The following CNBD1 variants were observed in gnomAD, a reference collection of about 807,000 sequenced individuals.
CNBD1 encodes cyclic nucleotide binding domain containing 1, also known as cyclic nucleotide-binding domain-containing protein 1.
Under a neutral mutation model 54.4 loss-of-function variants are expected in CNBD1, and 71 were observed. That is an observed-to-expected ratio of 1.30 (90% CI 1.08 to 1.59). The LOEUF (loss-of-function observed/expected upper bound fraction) is 1.59. Ranked by LOEUF, CNBD1 falls within the 40% of genes most tolerant of loss-of-function variation. The pLI is 0.00. For missense variants in CNBD1, 659 were observed against 518.0 expected (o/e 1.27, Z -2.64); for synonymous variants, 182 against 170.7 (o/e 1.07, Z -0.51).
At chr8:86,883,939 C>T (rs950443610) in intron 1 of CNBD1, among the ~76,000 whole-genome samples, 1 of 151,998 alleles carries the variant, frequency 6.6e-6, no homozygotes, top group African/African-American at 2.4e-5. Context: ...ATCACGAGGT[C>T]AGGAGATCGA....
chr8:87,072,767 A>T (rs1429112685), intron 4 of CNBD1, among the ~76,000 whole-genome samples: 1 of 151,154 alleles, frequency 6.6e-6, no homozygotes, highest in Non-Finnish European at 1.5e-5. Context: ...ACCTTGGGGA[A>T]CCTGATGATT....
intron 4 of CNBD1, among the ~76,000 whole-genome samples, chr8:87,056,350 G>A (rs1810416292): frequency 6.6e-6 from 1 of 152,140 alleles, no homozygotes; most frequent in African/African-American, 2.4e-5. Flanking sequence ...TTCCATGGGG[G>A]CAACACACAA....
chr8:87,393,427 G>A (rs1352371003), intron 2 of CNBD1, among the ~76,000 whole-genome samples: 1 of 151,856 alleles, frequency 6.6e-6, no homozygotes, highest in Non-Finnish European at 1.5e-5. Context: ...GTACACATAT[G>A]CACTAAATTA....
intron 4 of CNBD1, among the ~76,000 whole-genome samples, chr8:87,200,164 G>T (rs142775923): frequency 6.6e-6 from 1 of 152,088 alleles, no homozygotes; most frequent in Non-Finnish European, 1.5e-5. Context: ...AGATGAATAG[G>T]AGAGAAAAAA....
At chr8:86,896,090 T>C (rs1455637827) in intron 2 of CNBD1, among the ~76,000 whole-genome samples, 1 of 152,158 alleles carries the variant, frequency 6.6e-6, no homozygotes, top group East Asian at 1.9e-4. Flanking sequence ...TGGCATAAGA[T>C]AGGGGTACAA....
At chr8:86,903,790 G>A (rs984735528) in intron 2 of CNBD1, among the ~76,000 whole-genome samples, 1 of 151,718 alleles carries the variant, frequency 6.6e-6, no homozygotes, top group African/African-American at 2.4e-5. Flanking sequence ...ACAATGATTC[G>A]AATATAACAA....
intron 4 of CNBD1, among the ~76,000 whole-genome samples, chr8:87,078,889 C>T (rs780164673): frequency 6.6e-6 from 1 of 152,056 alleles, no homozygotes; most frequent in Non-Finnish European, 1.5e-5. Flanking sequence ...TTTTTAATAT[C>T]AACTTTATGC....
intron 10 of CNBD1, among the ~76,000 whole-genome samples, chr8:87,368,535 G>T (rs1192520834): frequency 6.6e-6 from 1 of 151,818 alleles, no homozygotes; most frequent in Non-Finnish European, 1.5e-5. Context: ...CTACTTGGTG[G>T]ACTAAGGCAG....
chr8:87,204,750 T>C (rs1405569844), intron 4 of CNBD1, among the ~76,000 whole-genome samples: 3 of 152,198 alleles, frequency 2.0e-5, no homozygotes, highest in African/African-American at 4.8e-5. Context: ...CCTCTGTCTT[T>C]ACAGCCTGTG....
chr8:87,401,133 A>C (rs1807556681), intron 2 of CNBD1, among the ~76,000 whole-genome samples: 1 of 152,032 alleles, frequency 6.6e-6, no homozygotes, highest in Non-Finnish European at 1.5e-5. Context: ...GCTACATATA[A>C]ATATAATCTT....
At chr8:87,385,080 C>T (rs911904511), downstream of CNBD1, among the ~76,000 whole-genome samples, 8 of 152,236 alleles carry the variant, frequency 5.3e-5, no homozygotes, top group South Asian at 6.2e-4. Flanking sequence ...GGGACAAGGA[C>T]TGAAGTGAGA....
At chr8:87,296,124 A>C (rs1270297379) in intron 8 of CNBD1, among the ~76,000 whole-genome samples, 1 of 152,202 alleles carries the variant, frequency 6.6e-6, no homozygotes, top group African/African-American at 2.4e-5. Flanking sequence ...GTACAATTAT[A>C]ATACAATTTG....
intron 2 of CNBD1, among the ~76,000 whole-genome samples, chr8:86,900,264 ATGAG>A (rs1333126008): frequency 1.3e-5 from 2 of 152,216 alleles, no homozygotes; most frequent in Non-Finnish European, 2.9e-5. Context: ...CTACAGGAAT[ATGAG>A]TGCCAGATAT....
intron 4 of CNBD1, among the ~76,000 whole-genome samples, chr8:87,142,590 G>A (rs1481909672): frequency 6.6e-6 from 1 of 152,006 alleles, no homozygotes; most frequent in Non-Finnish European, 1.5e-5. Context: ...ACATTAAATT[G>A]GTACTAAATC....
At chr8:86,965,551 C>A (rs1808050296) in intron 4 of CNBD1, among the ~76,000 whole-genome samples, 1 of 152,022 alleles carries the variant, frequency 6.6e-6, no homozygotes, top group Non-Finnish European at 1.5e-5. Context: ...GTTTTTTCTT[C>A]ATTTTGGCTA....
At chr8:87,223,915 CT>C (rs1247178068) in intron 5 of CNBD1, among the ~76,000 whole-genome samples, 5 of 152,180 alleles carry the variant, frequency 3.3e-5, no homozygotes, top group Non-Finnish European at 5.9e-5. Context: ...TGCTTCCTGA[CT>C]TTTTAATGAT....
intron 4 of CNBD1, among the ~76,000 whole-genome samples, chr8:87,052,330 C>T (rs1397524955): frequency 2.0e-5 from 3 of 152,070 alleles, no homozygotes; most frequent in African/African-American, 7.2e-5. Flanking sequence ...TATTAACTGC[C>T]CCTCAATTGA....
chr8:87,070,049 A>G (rs1810729108), intron 4 of CNBD1, among the ~76,000 whole-genome samples: 1 of 152,062 alleles, frequency 6.6e-6, no homozygotes. Context: ...CATGTCAGAG[A>G]GTGTCAGATA....
intron 4 of CNBD1, among the ~76,000 whole-genome samples, chr8:86,943,956 C>A (rs1225416273): frequency 2.6e-5 from 4 of 152,154 alleles, no homozygotes; most frequent in East Asian, 3.9e-4. Flanking sequence ...GTTACAACTA[C>A]TTGCATTTGG....
Sources: allele counts gnomAD v4.1 joint callset (sites outside exome capture counted in the v4.1 genomes callset), GRCh38; gene constraint gnomAD v4.1.1; transcripts MANE v1.5; gene names NCBI Gene and HGNC (gene_info 2026-07-23, HGNC 2026-07-21).